The following FLT3 variants were observed in gnomAD, a reference collection of about 807,000 sequenced individuals.
The protein encoded by FLT3 is fms related receptor tyrosine kinase 3.
Under a neutral mutation model 126.6 loss-of-function variants are expected in FLT3, and 46 were observed. The observed-to-expected ratio is 0.36, with a 90% confidence interval of 0.29 to 0.46. FLT3 has a LOEUF of 0.46. Among genes scored for constraint, FLT3 ranks in the 20% least tolerant of loss-of-function variants. The probability of loss-of-function intolerance (pLI) is 1.00; values close to 1 mark genes in which losing one functional copy is unlikely to be tolerated. For missense variants in FLT3, 1,069 were observed against 1,190.3 expected (o/e 0.90, Z 1.50); for synonymous variants, 404 against 434.4 (o/e 0.93, Z 0.87).
intron 3 of FLT3, 40 bp downstream of exon 3, chr13:28,061,827 T>C: frequency 1.3e-6 from 2 of 1,512,094 alleles, no homozygotes; most frequent in Non-Finnish European, 1.8e-6. Flanking sequence ...AAATTCCAAA[T>C]GAACCACATT....
intron 3 of FLT3, among the ~76,000 whole-genome samples, chr13:28,059,957 T>A (rs986634523): frequency 1.5e-5 from 2 of 133,444 alleles, no homozygotes; most frequent in Non-Finnish European, 3.2e-5. Flanking sequence ...AGACTCTGCC[T>A]CAATAAATAA....
intron 23 of FLT3, among the ~76,000 whole-genome samples, chr13:28,013,461 T>C (rs1346674347): frequency 6.6e-6 from 1 of 152,194 alleles, no homozygotes; most frequent in Non-Finnish European, 1.5e-5. Context: ...TTAAGTGACT[T>C]ATCAAGTAAA....
At chr13:28,093,768 C>A (rs756032957) in intron 1 of FLT3, among the ~76,000 whole-genome samples, 2 of 152,070 alleles carry the variant, frequency 1.3e-5, no homozygotes, top group Non-Finnish European at 2.9e-5. Flanking sequence ...TTCTAAAACT[C>A]CACTGCAATT....
intron 17 of FLT3, 142 bp downstream of exon 17, chr13:28,026,946 C>T: frequency 1.4e-6 from 1 of 709,946 alleles, no homozygotes; most frequent in East Asian, 2.5e-5. Flanking sequence ...GAAACTATAG[C>T]AAAGATTCAG....
intron 21 of FLT3, 148 bp downstream of exon 21, chr13:28,015,442 G>A (rs1341040217): frequency 3.1e-6 from 2 of 650,190 alleles, no homozygotes; most frequent in African/African-American, 3.7e-5. Flanking sequence ...GAGGAAGACA[G>A]GCTAAAGGAC....
chr13:28,082,063 C>T (rs1402231119), intron 1 of FLT3, among the ~76,000 whole-genome samples: 2 of 151,638 alleles, frequency 1.3e-5, no homozygotes, highest in African/African-American at 4.8e-5. Context: ...GCCATGTTGC[C>T]CAGGTTGGTC....
rs35243277 is a variant in FLT3 at position 28,081,844 on chromosome 13, C to CTTTTTTTTTTTTTTTTT, written c.44-11249_44-11233dup. On this transcript the variant is annotated intron_variant, in intron 1 of 23. Transcript: ENST00000241453. The stretch of plus-strand genomic sequence containing the variant: ...TTACTTTGATTTTTTTACTTTGATT[C>CTTTTTTTTTTTTTTTTT]TTTTTTTTTTTTTTTTTTTTTTTTT... 1.4e-4 allele frequency among the ~76,000 whole-genome samples: 9 copies of CTTTTTTTTTTTTTTTTT among 64,974 alleles called. 2 individuals are homozygous for CTTTTTTTTTTTTTTTTT. The highest frequency in any genetic ancestry group is 2.1e-4 in the African/African-American group (3 of 14,388). The allele number at this position is 64,974 out of a possible 152,430, so 42.6% of individuals were successfully genotyped here. A position where few individuals can be genotyped will look rare whatever the true frequency, so the allele number is the denominator to read the frequency against.
At chr13:28,024,552 TA>T (rs1249340288) in intron 18 of FLT3, among the ~76,000 whole-genome samples, 4 of 152,244 alleles carry the variant, frequency 2.6e-5, no homozygotes, top group Admixed American at 6.5e-5. Flanking sequence ...GAAAGCAAAG[TA>T]AGCAGAAGTT....
intron 19 of FLT3, among the ~76,000 whole-genome samples, chr13:28,019,326 A>G (rs1269408955): frequency 2.0e-5 from 3 of 152,150 alleles, no homozygotes; most frequent in Admixed American, 1.3e-4. Flanking sequence ...ATCGAGGGAA[A>G]TAATCGGAAA....
At position 28,018,481 on chromosome 13, in the gene FLT3, C is replaced by T. The variant is rs756377225; in HGVS notation, c.2527G>A (p.Val843Ile). 1 of 1,614,098 alleles carries T rather than the reference C, an allele frequency of 6.2e-7. No homozygotes were observed. Among genetic ancestry groups the T allele is most frequent in the East Asian group, 2.2e-5 (1 of 44,886 alleles). ...ARDIMSDSNY[V>I]VRGNARLPVK... ...AGCAGCCTCACATTGCCCCTGACAACATAGTTGGAATCACTCATGATATCT... is the reference window on the plus strand; with the variant it reads ...AGCAGCCTCACATTGCCCCTGACAATATAGTTGGAATCACTCATGATATCT... Residue 843 changes from valine to isoleucine, a missense_variant, in exon 20 of 24, where the codon GTT becomes ATT. Transcript: ENST00000241453.
intron 18 of FLT3, 31 bp downstream of exon 18, chr13:28,024,830 T>G (rs977846612): frequency 7.4e-7 from 1 of 1,350,828 alleles, no homozygotes; most frequent in Non-Finnish European, 1.0e-6. Context: ...ATTTCCATTT[T>G]AAAGTGCTAC....
intron 1 of FLT3, among the ~76,000 whole-genome samples, chr13:28,094,442 T>G (rs1879320642): frequency 6.6e-6 from 1 of 152,198 alleles, no homozygotes; most frequent in African/African-American, 2.4e-5. Context: ...TTTTAGGATC[T>G]TATGCAATTT....
At chr13:28,023,310 A>T (rs1029706379) in intron 19 of FLT3, 40 bp downstream of exon 19, 7 of 1,581,532 alleles carry the variant, frequency 4.4e-6, no homozygotes, top group African/African-American at 2.8e-5. Context: ...ATCTTTTCAA[A>T]TCTTTTTTTT....
At chr13:28,021,056 C>A (rs1872341932) in intron 19 of FLT3, among the ~76,000 whole-genome samples, 2 of 152,110 alleles carry the variant, frequency 1.3e-5, no homozygotes, top group Admixed American at 1.3e-4. Context: ...GGCAGCAAAC[C>A]AGGCCAGACA....
intron 1 of FLT3, among the ~76,000 whole-genome samples, chr13:28,077,077 A>C (rs1033889341): frequency 1.4e-5 from 1 of 71,962 alleles, no homozygotes; most frequent in African/African-American, 4.7e-5. Context: ...AAAGAAAAGA[A>C]AGAAAGAAAG....
chr13:28,095,302 A>C (rs956312766), intron 1 of FLT3, among the ~76,000 whole-genome samples: 4 of 151,754 alleles, frequency 2.6e-5, no homozygotes, highest in African/African-American at 9.7e-5. Flanking sequence ...TTTGAGAAGG[A>C]GTCTCGCTCT....
At chr13:28,037,362 T>G in intron 9 of FLT3, 74 bp from the exon 10 acceptor site, 1 of 866,408 alleles carries the variant, frequency 1.2e-6, no homozygotes. Flanking sequence ...ACAGTGTGCA[T>G]GGGAGGTGTC....
chr13:28,050,454 A>G (rs1310415932), intron 5 of FLT3, among the ~76,000 whole-genome samples: 1 of 152,202 alleles, frequency 6.6e-6, no homozygotes, highest in East Asian at 1.9e-4. Context: ...ACATAACAAA[A>G]CAGTTTAAAA....
At chr13:28,050,705 C>A (rs1875364840) in intron 5 of FLT3, among the ~76,000 whole-genome samples, 1 of 152,038 alleles carries the variant, frequency 6.6e-6, no homozygotes, top group African/African-American at 2.4e-5. Flanking sequence ...AAGGTGTCAC[C>A]CACAAGGGAA....
Sources: allele counts gnomAD v4.1 joint callset (sites outside exome capture counted in the v4.1 genomes callset), GRCh38; gene constraint gnomAD v4.1.1; transcripts MANE v1.5; gene names NCBI Gene and HGNC (gene_info 2026-07-23, HGNC 2026-07-21).